CFAP61: variants seen among roughly 807,000 people sequenced by gnomAD.
The protein encoded by CFAP61 is cilia- and flagella-associated protein 61.
Under a neutral mutation model 135.6 loss-of-function variants are expected in CFAP61, and 107 were observed. The ratio of observed to expected loss-of-function variants is 0.79; its 90% CI spans 0.67 to 0.93. CFAP61 has a LOEUF of 0.93. Among genes scored for constraint, CFAP61 ranks in the 40% least tolerant of loss-of-function variants. The probability of loss-of-function intolerance (pLI) is 0.00; values close to 1 mark genes in which losing one functional copy is unlikely to be tolerated. For synonymous variants in CFAP61, 575 were observed against 578.5 expected (o/e 0.99, Z 0.09); for missense variants, 1,507 against 1,556.2 (o/e 0.97, Z 0.53).
At chr20:20,198,271 G>A (rs772930212) in intron 16 of CFAP61, among the ~76,000 whole-genome samples, 16 of 152,170 alleles carry the variant, frequency 1.1e-4, no homozygotes, top group Non-Finnish European at 1.9e-4. Flanking sequence ...TTGGCCAAAT[G>A]CCAGTTTTGT....
At chr20:20,266,115 T>C (rs1247844724) in intron 21 of CFAP61, among the ~76,000 whole-genome samples, 1 of 152,198 alleles carries the variant, frequency 6.6e-6, no homozygotes. Context: ...AAATAAACCA[T>C]TGGCTTCTCT....
intron 18 of CFAP61, among the ~76,000 whole-genome samples, chr20:20,232,297 A>G (rs529561781): frequency 1.7e-4 from 26 of 152,026 alleles, no homozygotes; most frequent in African/African-American, 6.3e-4. Context: ...GAACTCCTCA[A>G]CTGCAGTGCT....
At chr20:20,210,498 C>T (rs1028483372) in intron 17 of CFAP61, among the ~76,000 whole-genome samples, 1 of 152,244 alleles carries the variant, frequency 6.6e-6, no homozygotes, top group Non-Finnish European at 1.5e-5. Context: ...GCCCAAAGGC[C>T]TGGTGTCCCC....
chr20:20,343,616 A>G (rs1385599464), intron 26 of CFAP61, among the ~76,000 whole-genome samples: 4 of 152,280 alleles, frequency 2.6e-5, no homozygotes, highest in African/African-American at 9.6e-5. Context: ...GGCTCACTGA[A>G]TGCTCAGCTC....
chr20:20,055,720 TG>T (rs1313635693), intron 1 of CFAP61, among the ~76,000 whole-genome samples: 2 of 152,252 alleles, frequency 1.3e-5, no homozygotes, highest in Non-Finnish European at 2.9e-5. Flanking sequence ...ATTCCAATTT[TG>T]CTTTCAATTT....
intron 8 of CFAP61, among the ~76,000 whole-genome samples, chr20:20,105,718 G>A (rs960968867): frequency 5.3e-5 from 8 of 151,624 alleles, no homozygotes; most frequent in East Asian, 2.0e-4. Context: ...TGAAAGCTCC[G>A]CCTCCCAGGT....
rs147021949 is a variant in CFAP61, at chr20:20,199,831, C to T, written c.1861C>T (p.Arg621Ter). 12 of 1,614,084 alleles carry T rather than the reference C, an allele frequency of 7.4e-6. 1 individual carries two copies. Among genetic ancestry groups the T allele is most frequent in the South Asian group, 3.3e-5 (3 of 91,088 alleles). The stretch of plus-strand genomic sequence containing the variant: ...TCATTACTTGGTTCCCGTGCGACCA[C>T]GACGACAGATTGTCTATCCTCTGGA... ...ALHYLVPVRP[R>*]RQIVYPLEKL... Residue 621 changes from arginine (R) to a stop codon, truncating the protein, a stop_gained, in exon 17 of 27, where the codon CGA (arginine) becomes TGA (stop). Coordinates refer to ENST00000245957, the MANE Select transcript of CFAP61 (RefSeq NM_015585.4). LOFTEE classifies it high-confidence loss of function.
chr20:20,268,689 C>A (rs1319947327), intron 21 of CFAP61, among the ~76,000 whole-genome samples: 2 of 152,160 alleles, frequency 1.3e-5, no homozygotes, highest in African/African-American at 4.8e-5. Flanking sequence ...GCAAACAAAA[C>A]CTGGAGTGTT....
chr20:20,188,495 A>G (rs2055674793), intron 14 of CFAP61, among the ~76,000 whole-genome samples: 1 of 152,086 alleles, frequency 6.6e-6, no homozygotes, highest in Non-Finnish European at 1.5e-5. Context: ...GATGAGTCTG[A>G]CCAGACCCTT....
chr20:20,289,055 G>T (rs1284955352), intron 23 of CFAP61, 119 bp downstream of exon 23: 2 of 666,264 alleles, frequency 3.0e-6, no homozygotes, highest in Admixed American at 2.9e-5. Context: ...TACCTCAATG[G>T]GTTGCCACAG....
chr20:20,179,731 A>T (rs536194010), intron 13 of CFAP61, among the ~76,000 whole-genome samples: 14 of 152,324 alleles, frequency 9.2e-5, no homozygotes, highest in African/African-American at 2.6e-4. Context: ...AAGCCTGTAC[A>T]CCTACAACTA....
At chr20:20,134,048 G>A (rs1289223492) in intron 8 of CFAP61, among the ~76,000 whole-genome samples, 2 of 152,146 alleles carry the variant, frequency 1.3e-5, no homozygotes, top group Admixed American at 6.6e-5. Flanking sequence ...TATGTAGTGA[G>A]TCCAGTACCA....
At chr20:20,210,258 C>T (rs988094440) in intron 17 of CFAP61, among the ~76,000 whole-genome samples, 13 of 152,164 alleles carry the variant, frequency 8.5e-5, no homozygotes, top group African/African-American at 7.2e-5. Flanking sequence ...GAGAGGGCTG[C>T]GCTGCACTGA....
intron 22 of CFAP61, 137 bp from the exon 23 acceptor site, chr20:20,288,472 A>T: frequency 2.9e-6 from 2 of 699,458 alleles, no homozygotes; most frequent in East Asian, 2.5e-5. Flanking sequence ...ATACGCACAC[A>T]AACAACATGA....
intron 3 of CFAP61, 112 bp downstream of exon 3, chr20:20,071,116 C>T: frequency 9.3e-7 from 1 of 1,075,562 alleles, no homozygotes; most frequent in Non-Finnish European, 1.3e-6. Flanking sequence ...GACATCATGA[C>T]AGTTAAAAGT....
At chr20:20,286,912 A>C (rs998941095) in intron 22 of CFAP61, among the ~76,000 whole-genome samples, 7 of 152,236 alleles carry the variant, frequency 4.6e-5, no homozygotes, top group Non-Finnish European at 1.0e-4. Context: ...GAGAAAGAAA[A>C]TTGGGTAGGT....
chr20:20,160,057 G>A (rs2053267211), intron 10 of CFAP61, among the ~76,000 whole-genome samples: 1 of 152,232 alleles, frequency 6.6e-6, no homozygotes, highest in Admixed American at 6.5e-5. Context: ...GAAGCCTGGT[G>A]GTTCAGGAAG....
chr20:20,266,222 C>T (rs2052733523), intron 21 of CFAP61, among the ~76,000 whole-genome samples: 1 of 152,190 alleles, frequency 6.6e-6, no homozygotes, highest in Non-Finnish European at 1.5e-5. Flanking sequence ...TATTTCTTAA[C>T]TGAGACTTTG....
chr20:20,344,264 G>A (rs974406540), intron 26 of CFAP61, among the ~76,000 whole-genome samples: 8 of 152,206 alleles, frequency 5.3e-5, no homozygotes, highest in Admixed American at 3.9e-4. Context: ...GGAAGTGTGC[G>A]ATGGCACAGA....
Sources: gnomAD v4.1 joint callset for allele counts (sites outside exome capture counted in the v4.1 genomes callset) on GRCh38, gnomAD v4.1.1 for gene constraint, MANE v1.5 for transcripts, NCBI Gene and HGNC (gene_info 2026-07-23, HGNC 2026-07-21) for gene names.